HTR5A: variants seen among roughly 807,000 people sequenced by gnomAD.
HTR5A encodes the protein 5-hydroxytryptamine receptor 5A.
HTR5A carries 21 observed loss-of-function variants against 24.3 expected under a neutral mutation model. The ratio of observed to expected loss-of-function variants is 0.86; its 90% CI spans 0.61 to 1.24. The LOEUF (loss-of-function observed/expected upper bound fraction) is 1.24. Ranked by LOEUF, HTR5A falls within the 50% of genes most tolerant of loss-of-function variation. HTR5A has a pLI of 0.00. For missense variants in HTR5A, 497 were observed against 489.5 expected (o/e 1.02, Z -0.15); for synonymous variants, 260 against 213.7 (o/e 1.22, Z -1.89).
Position 155,070,618 on chromosome 7 carries a change from T to G in HTR5A, c.-282T>G, listed in dbSNP as rs548503576. On this transcript the variant is annotated 5_prime_UTR_variant, in exon 1 of 2. Coordinates refer to ENST00000287907, the MANE Select transcript of HTR5A (RefSeq NM_024012.4). The stretch of plus-strand genomic sequence containing the variant: ...GCCTTTCCACCAAGGCGAGGAGCCC[T>G]GGGCTCCTGACAGCTTAGGCGGGCC... The G allele has an allele frequency of 8.1e-6, 4 of 492,818 alleles. No homozygotes were observed. The highest frequency in any genetic ancestry group is 1.5e-5 in the Non-Finnish European group (4 of 271,910). 30.5% of individuals were successfully genotyped at this position (492,818 alleles called of 1,614,324 possible). A position where few individuals can be genotyped will look rare whatever the true frequency, so the allele number is the denominator to read the frequency against.
In HTR5A at chr7:155,071,762, G is replaced by A. The variant is rs56050042; in HGVS notation, c.741+122G>A. 25,240 of 960,100 alleles carry A rather than the reference G, an allele frequency of 0.026. 415 individuals carry two copies. The highest frequency in any genetic ancestry group is 0.035 in the Middle Eastern group (105 of 3,024). The allele number at this position is 960,100 out of a possible 1,614,324, so 59.5% of individuals were successfully genotyped here. On this transcript the variant is annotated intron_variant, in intron 1 of 1. Coordinates refer to ENST00000287907, the MANE Select transcript of HTR5A (RefSeq NM_024012.4). Reference sequence around the variant, plus strand: ...AACTTTTTGTGTTTGGGAGTGGGGGGAGTAAACTGGGAGAGTGGAAGAAAG... The same window carrying A: ...AACTTTTTGTGTTTGGGAGTGGGGGAAGTAAACTGGGAGAGTGGAAGAAAG...
chr7:155,080,914 T>A (rs1271278501), intron 1 of HTR5A, among the ~76,000 whole-genome samples: 1 of 152,104 alleles, frequency 6.6e-6, no homozygotes, highest in Non-Finnish European at 1.5e-5. Flanking sequence ...TTGGGGTGAG[T>A]CTGACCTTAA....
At chr7:155,081,882 G>A (rs1365129638) in intron 1 of HTR5A, among the ~76,000 whole-genome samples, 2 of 152,174 alleles carry the variant, frequency 1.3e-5, no homozygotes, top group African/African-American at 4.8e-5. Context: ...AAGTGAGTTG[G>A]CATTGAATGC....
intron 1 of HTR5A, among the ~76,000 whole-genome samples, chr7:155,072,390 C>T (rs1003141674): frequency 1.3e-5 from 2 of 152,080 alleles, no homozygotes; most frequent in South Asian, 4.1e-4. Flanking sequence ...AGTAAAGCTG[C>T]GGAAGGAAAT....
chr7:155,087,124 C>T lies in HTR5A; in HGVS notation c.*2637C>T, dbSNP rs1228391139. On this transcript the variant is annotated 3_prime_UTR_variant, in exon 2 of 2. Coordinates refer to ENST00000287907, the MANE Select transcript of HTR5A (RefSeq NM_024012.4). ...TGAGTGATCTTAGCCCTCTTGAGGT[C>T]ACTATCAGTTTTATATTTTCATTGT... Among the ~76,000 whole-genome samples the T allele has an allele frequency of 6.6e-6, 1 of 152,106 alleles. No homozygotes were observed. Among genetic ancestry groups the T allele is most frequent in the Non-Finnish European group, 1.5e-5 (1 of 68,006 alleles).
intron 1 of HTR5A, among the ~76,000 whole-genome samples, chr7:155,080,817 T>C (rs1294591770): frequency 6.6e-6 from 1 of 152,156 alleles, no homozygotes; most frequent in East Asian, 1.9e-4. Context: ...AATGGGGTTT[T>C]CTGTTGGATG....
rs1795287180 is a variant in HTR5A at position 155,071,130 on chromosome 7, C to T, written c.231C>T (p.Asn77=). Residue 77 remains asparagine, a synonymous_variant, in exon 1 of 2, where the codon AAC becomes AAT. Transcript: ENST00000287907. Reference sequence around the variant, plus strand: ...GCACCTTCCACCGCGTGCCCCACAACCTGGTGGCATCCATGGCCGTCTCGG... The same window carrying T: ...GCACCTTCCACCGCGTGCCCCACAATCTGGTGGCATCCATGGCCGTCTCGG... ...RVRTFHRVPH[N]LVASMAVSDV... is the part of the protein sequence containing the mutation. 2 of 1,605,506 alleles carry T rather than the reference C, an allele frequency of 1.2e-6. No individual in the cohort carries two copies. Among genetic ancestry groups the T allele is most frequent in the African/African-American group, 1.3e-5 (1 of 74,940 alleles).
Position 155,070,401 on chromosome 7 carries a change from G to C in HTR5A, c.-499G>C. ...GACAGAAGGCAGGTCCCAGAAAGCA[G>C]GTTCCCCCAAAACTGGCTTCCCTAG... On this transcript the variant is annotated 5_prime_UTR_variant, in exon 1 of 2. Transcript: ENST00000287907. 1 of 455,738 alleles carries C rather than the reference G, an allele frequency of 2.2e-6. No individual in the cohort carries two copies. Among genetic ancestry groups the C allele is most frequent in the East Asian group, 7.0e-5 (1 of 14,216 alleles). 28.2% of individuals were successfully genotyped at this position (455,738 alleles called of 1,614,324 possible). A position where few individuals can be genotyped will look rare whatever the true frequency, so the allele number is the denominator to read the frequency against.
At chr7:155,071,796 A>T (rs1217107261) in intron 1 of HTR5A, among the ~76,000 whole-genome samples, 156 bp downstream of exon 1, 1 of 152,136 alleles carries the variant, frequency 6.6e-6, no homozygotes, top group Admixed American at 6.5e-5. Context: ...AGCATCAGAG[A>T]TGTACTTTGC....
intron 1 of HTR5A, among the ~76,000 whole-genome samples, chr7:155,076,708 G>A (rs918340914): frequency 2.0e-5 from 3 of 152,178 alleles, no homozygotes; most frequent in Admixed American, 1.3e-4. Flanking sequence ...GAAGGAGAAA[G>A]TAACCATGAA....
At chr7:155,082,425 C>G (rs924264230) in intron 1 of HTR5A, among the ~76,000 whole-genome samples, 1 of 152,200 alleles carries the variant, frequency 6.6e-6, no homozygotes, top group Middle Eastern at 3.2e-3. Flanking sequence ...AACAGCATCT[C>G]TAGTATGATC....
At position 155,084,612 on chromosome 7, in the gene HTR5A, T is replaced by C. The variant is rs1194242434; in HGVS notation, c.*125T>C. The C allele has an allele frequency of 2.5e-6, 2 of 788,462 alleles. No individual in the cohort carries two copies. The highest frequency in any genetic ancestry group is 2.0e-6 in the Non-Finnish European group (1 of 493,102). The allele number at this position is 788,462 out of a possible 1,614,324, so 48.8% of individuals were successfully genotyped here. On this transcript the variant is annotated 3_prime_UTR_variant, in exon 2 of 2. Transcript: ENST00000287907. ...GAATCCTCACCATTCTCCAGGGTCA[T>C]CTTCAGAACTGCACTGGCCTCTTTT...
chr7:155,083,505 C>A (rs995524772), intron 1 of HTR5A, among the ~76,000 whole-genome samples: 8 of 152,200 alleles, frequency 5.3e-5, no homozygotes, highest in Admixed American at 2.0e-4. Context: ...AACTGGAGAG[C>A]CTGATTCTGT....
At chr7:155,082,562 T>C (rs982941717) in intron 1 of HTR5A, among the ~76,000 whole-genome samples, 7 of 152,220 alleles carry the variant, frequency 4.6e-5, no homozygotes, top group East Asian at 1.9e-4. Flanking sequence ...AGTGTCCCCA[T>C]TGTCACTCAT....
chr7:155,070,940 C>G lies in HTR5A; in HGVS notation c.41C>G (p.Thr14Ser), dbSNP rs776512968. ...AACCTAACCTCCTTTTCCCTCTCCA[C>G]CCCCTCCCCTTTGGAGACCAACCAC... Reference protein sequence around the residue: ...PVNLTSFSLSTPSPLETNHSL... With the variant: ...PVNLTSFSLSSPSPLETNHSL... Residue 14 changes from threonine (T) to serine (S), a missense_variant, in exon 1 of 2, where the codon ACC (threonine) becomes AGC (serine). Thr to Ser is a moderately conservative substitution (Grantham distance 58). Coordinates refer to ENST00000287907, the MANE Select transcript of HTR5A (RefSeq NM_024012.4). The G allele has an allele frequency of 6.2e-7, 1 of 1,607,772 alleles. No homozygotes were observed. Among genetic ancestry groups the G allele is most frequent in the East Asian group, 2.2e-5 (1 of 44,878 alleles).
chr7:155,078,191 C>T (rs550437136), intron 1 of HTR5A, among the ~76,000 whole-genome samples: 1 of 152,198 alleles, frequency 6.6e-6, no homozygotes, highest in East Asian at 1.9e-4. Flanking sequence ...ATCTAGAAAG[C>T]CATATCTTGT....
At position 155,071,612 on chromosome 7, in the gene HTR5A, G is replaced by C. The variant is rs200351410; in HGVS notation, c.713G>C (p.Ser238Thr). 60 of 1,614,128 alleles carry C rather than the reference G, an allele frequency of 3.7e-5. No individual in the cohort carries two copies. Among genetic ancestry groups the C allele is most frequent in the African/African-American group, 6.7e-5 (5 of 75,048 alleles). ...CGCGTGGGCTCCAGGAAGACCAATA[G>C]CGTCTCACCCATATCCGAAGCTGTG... ...KFRVGSRKTNSVSPISEAVEV... is the reference protein window; with the variant it reads ...KFRVGSRKTNTVSPISEAVEV... Residue 238 changes from serine (S) to threonine (T), a missense_variant, in exon 1 of 2, where the codon AGC becomes ACC. Transcript: ENST00000287907.
chr7:155,075,211 G>T (rs1159926652), intron 1 of HTR5A, among the ~76,000 whole-genome samples: 1 of 152,162 alleles, frequency 6.6e-6, no homozygotes, highest in East Asian at 1.9e-4. Context: ...GTCTGTGTTG[G>T]TCCTCATTCA....
At chr7:155,078,620 G>C (rs1475828319) in intron 1 of HTR5A, among the ~76,000 whole-genome samples, 1 of 151,966 alleles carries the variant, frequency 6.6e-6, no homozygotes, top group African/African-American at 2.4e-5. Flanking sequence ...GATTCATTTA[G>C]TTTACTTTGA....
Sources: allele counts gnomAD v4.1 joint callset (sites outside exome capture counted in the v4.1 genomes callset), GRCh38; gene constraint gnomAD v4.1.1; transcripts MANE v1.5; gene names NCBI Gene and HGNC (gene_info 2026-07-23, HGNC 2026-07-21).